The following TIAL1 variants were observed in gnomAD, a reference collection of about 807,000 sequenced individuals.
TIAL1 encodes the protein nucleolysin TIAR.
In TIAL1, 7 loss-of-function variants were observed where a neutral mutation model predicts 59.7. The observed-to-expected ratio is 0.12, with a 90% CI of 0.07 to 0.22. The LOEUF is 0.22. TIAL1 is among the 10% of genes least tolerant of loss of function. The pLI, the probability that TIAL1 is intolerant of heterozygous loss-of-function variation, is 1.00. For synonymous variants in TIAL1, 149 were observed against 146.3 expected, an observed-to-expected ratio of 1.02 and a Z score of -0.13; for missense variants, 225 against 462.5, an observed-to-expected ratio of 0.49 and a Z score of 4.71.
At chr10:119,588,773 T>G (rs1419336735) in intron 1 of TIAL1, among the ~76,000 whole-genome samples, 2 of 152,220 alleles carry the variant, frequency 1.3e-5, no homozygotes, top group Non-Finnish European at 2.9e-5. Context: ...AATACCACTC[T>G]GAAAGACATT....
At position 119,578,769 on chromosome 10, in the gene TIAL1, A is replaced by G. The variant is rs1845157501; in HGVS notation, c.513T>C (p.Asn171=). The change falls in exon 7 of 12, where the codon AAT becomes AAC. Residue 171 remains asparagine, a synonymous_variant. Coordinates refer to ENST00000436547, the MANE Select transcript of TIAL1 (RefSeq NM_003252.4). ...QWLGGRQIRT[N]WATRKPPAPK... is the part of the protein sequence containing the mutation. ...GTGCAGGTGGTTTACGAGTGGCCCA[A>G]TTGGTTCGGATTTGACGACCACCCA... The G allele has an allele frequency of 6.2e-7, 1 of 1,614,186 alleles. No homozygotes were observed. Among genetic ancestry groups the G allele is most frequent in the Non-Finnish European group, 8.5e-7 (1 of 1,180,030 alleles).
At chr10:119,581,832 C>A in intron 5 of TIAL1, 90 bp downstream of exon 5, 1 of 1,024,888 alleles carries the variant, frequency 9.8e-7, no homozygotes, top group Non-Finnish European at 1.5e-6. Flanking sequence ...ACCATACTAA[C>A]TAGAGAAAGA....
Position 119,573,593 on chromosome 10 carries a change from C to T in TIAL1, c.*2072G>A, listed in dbSNP as rs1051612453. 6.6e-6 allele frequency: 1 copy of T among 152,556 alleles called. No individual in the cohort carries two copies. Among genetic ancestry groups the T allele is most frequent in the Non-Finnish European group, 1.5e-5 (1 of 68,022 alleles). The allele number at this position is 152,556 out of a possible 1,614,324, so 9.5% of individuals were successfully genotyped here. ...TACTTAATTTACTGGCAGACCAAAA[C>T]AGGCATACTAAGCATTTTTATCAAT... On this transcript the variant is annotated 3_prime_UTR_variant, in exon 12 of 12. Transcript: ENST00000436547.
At chr10:119,589,980 C>T (rs1564743800) in intron 1 of TIAL1, among the ~76,000 whole-genome samples, 1 of 152,048 alleles carries the variant, frequency 6.6e-6, no homozygotes, top group South Asian at 2.1e-4. Flanking sequence ...AACATAGCTG[C>T]CACATTAAAT....
At chr10:119,590,816 GA>G (rs1379706158) in intron 1 of TIAL1, among the ~76,000 whole-genome samples, 1 of 145,812 alleles carries the variant, frequency 6.9e-6, no homozygotes, top group Non-Finnish European at 1.5e-5. Flanking sequence ...AAGAAAGAAA[GA>G]AAGAAACGAA....
At chr10:119,583,686 G>A (rs1170818874) in intron 2 of TIAL1, among the ~76,000 whole-genome samples, 1 of 152,076 alleles carries the variant, frequency 6.6e-6, no homozygotes. Context: ...GAAAGTTTTA[G>A]AAGAAAAATC....
intron 2 of TIAL1, among the ~76,000 whole-genome samples, chr10:119,587,797 T>C (rs1845645102): frequency 6.6e-6 from 1 of 152,208 alleles, no homozygotes; most frequent in South Asian, 2.1e-4. Flanking sequence ...AATAACTTCG[T>C]GTTCTCGCAC....
chr10:119,592,795 T>A (rs928041552), intron 1 of TIAL1, among the ~76,000 whole-genome samples: 24 of 151,194 alleles, frequency 1.6e-4, no homozygotes, highest in African/African-American at 5.8e-4. Flanking sequence ...ACACTCACTC[T>A]CTCTCTCTTA....
chr10:119,595,723 G>A (rs1846140392), intron 1 of TIAL1, among the ~76,000 whole-genome samples: 1 of 152,190 alleles, frequency 6.6e-6, no homozygotes, highest in South Asian at 2.1e-4. Context: ...GAGAGCAAAA[G>A]GAGTTTAACA....
In TIAL1 at chr10:119,584,679, A is replaced by C. The variant is rs912682920; in HGVS notation, c.130-2122T>G. On this transcript the variant is annotated intron_variant, in intron 2 of 11. Coordinates refer to ENST00000436547, the MANE Select transcript of TIAL1 (RefSeq NM_003252.4). The stretch of plus-strand genomic sequence containing the variant: ...CCCATCTCTACCAAAAATACAAAAA[A>C]TTAGCTGGGTGTGGTGGCGGGCGCC... 1.1e-4 allele frequency among the ~76,000 whole-genome samples: 16 copies of C among 152,130 alleles called. 1 individual carries two copies. Among genetic ancestry groups the C allele is most frequent in the African/African-American group, 3.9e-4 (16 of 41,422 alleles).
chr10:119,596,471 G>A lies in TIAL1; in HGVS notation c.-6C>T, dbSNP rs1212296907. On this transcript the variant is annotated 5_prime_UTR_variant, in exon 1 of 12. Transcript: ENST00000436547. ...TGCCCGTCGTCTTCCATCATGGTGG[G>A]TGCGACGGAGCGATCCCGGGACAAG... The A allele has an allele frequency of 1.9e-6, 3 of 1,605,698 alleles. No homozygotes were observed. Among genetic ancestry groups the A allele is most frequent in the African/African-American group, 2.7e-5 (2 of 74,506 alleles).
intron 6 of TIAL1, 105 bp from the exon 7 acceptor site, chr10:119,578,939 A>G: frequency 3.7e-6 from 3 of 807,548 alleles, no homozygotes; most frequent in African/African-American, 3.5e-5. Flanking sequence ...AAATCAGTAG[A>G]TGAATTTACT....
rs1295876619 is a variant in TIAL1 at position 119,575,352 on chromosome 10, T to C, written c.*313A>G. On this transcript the variant is annotated 3_prime_UTR_variant, in exon 12 of 12. Coordinates refer to ENST00000436547, the MANE Select transcript of TIAL1 (RefSeq NM_003252.4). The stretch of plus-strand genomic sequence containing the variant: ...GAACAGCAAGATAAAAATGGAATAG[T>C]ATCTAAGAATCAAAATGTATTAGCC... 1.3e-5 allele frequency: 3 copies of C among 237,506 alleles called. No homozygotes were observed. The highest frequency in any genetic ancestry group is 9.7e-5 in the South Asian group (2 of 20,670). The allele number at this position is 237,506 out of a possible 1,614,324, so 14.7% of individuals were successfully genotyped here. A position where few individuals can be genotyped will look rare whatever the true frequency, so the allele number is the denominator to read the frequency against.
intron 2 of TIAL1, among the ~76,000 whole-genome samples, chr10:119,583,894 A>T (rs1014259086): frequency 6.6e-6 from 1 of 152,244 alleles, no homozygotes; most frequent in African/African-American, 2.4e-5. Flanking sequence ...ACACATTTAA[A>T]TTCTTGTAAA....
chr10:119,589,182 C>T (rs1194472481), intron 1 of TIAL1, among the ~76,000 whole-genome samples: 1 of 152,114 alleles, frequency 6.6e-6, no homozygotes, highest in Admixed American at 6.6e-5. Context: ...ATTTCCTAGT[C>T]TAAAATGCAT....
chr10:119,577,672 C>A lies in TIAL1; in HGVS notation c.621G>T (p.Val207=), dbSNP rs764333440. ...ACCCAGACGCAATTCCTCCACAGTA[C>A]ACAGTACAATTTTTTGGACTTGACT... ...VNQSSPKNCT[V]YCGGIASGLT... is the part of the protein sequence containing the mutation. Residue 207 remains valine (V), a synonymous_variant, in exon 8 of 12, where the codon GTG becomes GTT. Transcript: ENST00000436547. 6.2e-7 allele frequency: 1 copy of A among 1,614,152 alleles called. No homozygotes were observed. Among genetic ancestry groups the A allele is most frequent in the South Asian group, 1.1e-5 (1 of 91,086 alleles).
At chr10:119,591,331 C>T (rs1393548730) in intron 1 of TIAL1, among the ~76,000 whole-genome samples, 6 of 151,472 alleles carry the variant, frequency 4.0e-5, no homozygotes. Flanking sequence ...CACTTGAACC[C>T]GGGAGGTGGA....
chr10:119,588,998 T>C (rs147851960), intron 1 of TIAL1, among the ~76,000 whole-genome samples: 38 of 152,174 alleles, frequency 2.5e-4, no homozygotes, highest in African/African-American at 8.9e-4. Flanking sequence ...AAACATAAAG[T>C]GAGTTTATCT....
chr10:119,596,443 G>A lies in TIAL1; in HGVS notation c.23C>T (p.Pro8Leu), dbSNP rs1564749996. The A allele has an allele frequency of 6.2e-7, 1 of 1,610,946 alleles. No individual in the cohort carries two copies. The highest frequency in any genetic ancestry group is 2.2e-5 in the East Asian group (1 of 44,776). Residue 8 changes from proline to leucine, a missense_variant, in exon 1 of 12, where the codon CCC becomes CTC. Transcript: ENST00000436547. ...CGTCTCGGGTACTCACAGAGTCCGG[G>A]GCTGCCCGTCGTCTTCCATCATGGT... MMEDDGQ[P>L]RTLYVGNLSR...
Sources: gnomAD v4.1 joint callset for allele counts (sites outside exome capture counted in the v4.1 genomes callset) on GRCh38, gnomAD v4.1.1 for gene constraint, MANE v1.5 for transcripts, NCBI Gene and HGNC (gene_info 2026-07-23, HGNC 2026-07-21) for gene names.